EPHA4: variants seen among roughly 807,000 people sequenced by gnomAD.
EPHA4 encodes EPH receptor A4.
EPHA4 carries 19 observed loss-of-function variants against 108.3 expected under a neutral mutation model. That is an observed-to-expected ratio of 0.18 (90% CI 0.12 to 0.26). The LOEUF (loss-of-function observed/expected upper bound fraction) is 0.26. EPHA4 is among the 10% of genes least tolerant of loss of function. The pLI, the probability that EPHA4 is intolerant of heterozygous loss-of-function variation, is 1.00. For synonymous variants in EPHA4, 449 were observed against 455.5 expected (o/e 0.99, Z 0.18); for missense variants, 917 against 1,254.0 (o/e 0.73, Z 4.06).
chr2:221,568,236 T>C (rs1332782449), intron 2 of EPHA4, among the ~76,000 whole-genome samples: 1 of 152,248 alleles, frequency 6.6e-6, no homozygotes, highest in Non-Finnish European at 1.5e-5. Context: ...GAACAGCAGC[T>C]GATTTAAGAG....
chr2:221,568,479 C>T (rs1574667845), intron 2 of EPHA4, among the ~76,000 whole-genome samples: 1 of 152,168 alleles, frequency 6.6e-6, no homozygotes, highest in South Asian at 2.1e-4. Context: ...AAGTCTGTGC[C>T]TCCACCAGTC....
chr2:221,430,224 C>T, intron 14 of EPHA4, 73 bp from the exon 15 acceptor site: 2 of 1,469,788 alleles, frequency 1.4e-6, no homozygotes, highest in Non-Finnish European at 1.8e-6. Context: ...TTCCGACTGG[C>T]ATGTTTCTTG....
chr2:221,514,965 T>A (rs1000729086), intron 3 of EPHA4, among the ~76,000 whole-genome samples: 6 of 152,114 alleles, frequency 3.9e-5, no homozygotes, highest in African/African-American at 1.4e-4. Flanking sequence ...ACAACCTAAA[T>A]TTATCTCAGA....
rs934285 is a variant in EPHA4, at chr2:221,499,758, T to A, written c.979+1259A>T. On this transcript the variant is annotated intron_variant, in intron 4 of 17. Transcript: ENST00000281821. ...TATATATATATATATATATATATATTTTTTTTTTTTTTTTTTGAGACAGAG... is the reference window on the plus strand; with the variant it reads ...TATATATATATATATATATATATATATTTTTTTTTTTTTTTTGAGACAGAG... Among the ~76,000 whole-genome samples the A allele has an allele frequency of 9.3e-3, 634 of 68,256 alleles. 1 individual carries two copies. The highest frequency in any genetic ancestry group is 0.013 in the South Asian group (22 of 1,704). The allele number at this position is 68,256 out of a possible 152,430, so 44.8% of individuals were successfully genotyped here.
intron 3 of EPHA4, among the ~76,000 whole-genome samples, chr2:221,524,374 C>G (rs999665111): frequency 6.6e-6 from 1 of 152,226 alleles, no homozygotes; most frequent in Admixed American, 6.5e-5. Flanking sequence ...GTAAATGACA[C>G]GTCTCTATGG....
intron 2 of EPHA4, among the ~76,000 whole-genome samples, chr2:221,567,781 G>A (rs999144249): frequency 7.9e-5 from 12 of 152,140 alleles, no homozygotes; most frequent in Non-Finnish European, 1.3e-4. Flanking sequence ...CCAGGTTCTA[G>A]CATTACAATT....
At chr2:221,493,942 C>T (rs112903261) in intron 4 of EPHA4, among the ~76,000 whole-genome samples, 79 of 152,306 alleles carry the variant, frequency 5.2e-4, no homozygotes, top group East Asian at 9.6e-4. Flanking sequence ...GGAATATTTT[C>T]GGCCACGTCT....
chr2:221,539,846 GAAGA>G (rs1693780811), intron 3 of EPHA4, among the ~76,000 whole-genome samples: 3 of 152,282 alleles, frequency 2.0e-5, no homozygotes, highest in East Asian at 3.9e-4. Context: ...GCAGATAGAA[GAAGA>G]AAGATGTGTT....
At chr2:221,466,635 TTGAG>T (rs1355549746) in intron 5 of EPHA4, among the ~76,000 whole-genome samples, 3 of 152,234 alleles carry the variant, frequency 2.0e-5, no homozygotes, top group East Asian at 3.8e-4. Context: ...CTAGCATTTA[TTGAG>T]TAATTATGAT....
chr2:221,524,920 T>C (rs1398557770), intron 3 of EPHA4, among the ~76,000 whole-genome samples: 1 of 152,196 alleles, frequency 6.6e-6, no homozygotes, highest in Non-Finnish European at 1.5e-5. Context: ...AAGTAACAAT[T>C]ATATTTTTAT....
chr2:221,444,360 G>A (rs1690521160), intron 9 of EPHA4, among the ~76,000 whole-genome samples: 1 of 152,156 alleles, frequency 6.6e-6, no homozygotes, highest in African/African-American at 2.4e-5. Context: ...AGAGGCAGAA[G>A]TCATTGTAAA....
chr2:221,489,509 T>C (rs1692079095), intron 4 of EPHA4, among the ~76,000 whole-genome samples: 1 of 152,176 alleles, frequency 6.6e-6, no homozygotes, highest in Non-Finnish European at 1.5e-5. Flanking sequence ...TTTGACTGAC[T>C]GACTTCTTAT....
At position 221,426,011 on chromosome 2, in the gene EPHA4, G is replaced by T; in HGVS notation, c.*17C>A. The T allele has an allele frequency of 1.2e-6, 2 of 1,609,042 alleles. No individual in the cohort carries two copies. The highest frequency in any genetic ancestry group is 1.7e-6 in the Non-Finnish European group (2 of 1,175,592). ...GGTAAACTAATTTCAAGAGTTTTGA[G>T]TTTATTCAGTACTGGCTCAGACGGG... On this transcript the variant is annotated 3_prime_UTR_variant, in exon 17 of 18. Transcript: ENST00000281821.
At chr2:221,476,924 T>C (rs887267946) in intron 5 of EPHA4, among the ~76,000 whole-genome samples, 1 of 152,192 alleles carries the variant, frequency 6.6e-6, no homozygotes, top group Admixed American at 6.5e-5. Context: ...TATCATTACT[T>C]GACAAAGAGA....
At chr2:221,516,290 T>C (rs999846813) in intron 3 of EPHA4, among the ~76,000 whole-genome samples, 3 of 152,026 alleles carry the variant, frequency 2.0e-5, no homozygotes, top group African/African-American at 7.2e-5. Flanking sequence ...ATTTAAAATA[T>C]CTCTTTTTAA....
intron 4 of EPHA4, among the ~76,000 whole-genome samples, chr2:221,485,385 G>C (rs1188643840): frequency 1.3e-5 from 2 of 152,188 alleles, no homozygotes; most frequent in Non-Finnish European, 2.9e-5. Flanking sequence ...CGATTCTGAA[G>C]GAAGGCTCTG....
chr2:221,473,859 G>A (rs1462758535), intron 5 of EPHA4, among the ~76,000 whole-genome samples: 2 of 152,248 alleles, frequency 1.3e-5, no homozygotes, highest in East Asian at 3.9e-4. Flanking sequence ...AGTGTTCGAT[G>A]GAACAAGCAC....
intron 17 of EPHA4, among the ~76,000 whole-genome samples, chr2:221,424,513 AG>A (rs1295477180): frequency 3.9e-5 from 6 of 152,118 alleles, no homozygotes; most frequent in African/African-American, 1.4e-4. Context: ...AAATGTGTCC[AG>A]TCCAAAGTTA....
At chr2:221,523,310 G>A (rs530042678) in intron 3 of EPHA4, among the ~76,000 whole-genome samples, 8 of 150,950 alleles carry the variant, frequency 5.3e-5, no homozygotes, top group East Asian at 2.0e-4. Context: ...TTTTTGAGAC[G>A]CAGTTTCCCT....
Sources: allele counts gnomAD v4.1 joint callset (sites outside exome capture counted in the v4.1 genomes callset), GRCh38; gene constraint gnomAD v4.1.1; transcripts MANE v1.5; gene names NCBI Gene and HGNC (gene_info 2026-07-23, HGNC 2026-07-21).